The following RNF130 variants were observed in gnomAD, a reference collection of about 807,000 sequenced individuals.
RNF130 encodes E3 ubiquitin-protein ligase RNF130.
In RNF130, 21 loss-of-function variants were observed where a neutral mutation model predicts 44.6. That is an observed-to-expected ratio of 0.47 (90% CI 0.33 to 0.68). The LOEUF is 0.68. Ranked by LOEUF, RNF130 falls within the 30% of genes least tolerant of loss-of-function variation. The pLI is 0.02. For missense variants in RNF130, 479 were observed against 560.6 expected, an observed-to-expected ratio of 0.85 and a Z score of 1.47; for synonymous variants, 214 against 210.4, an observed-to-expected ratio of 1.02 and a Z score of -0.15.
At chr5:179,915,426 C>G (rs1163499063) in exon 8 of RNF130, 1 of 152,842 alleles carries the variant, frequency 6.5e-6, no homozygotes, top group Non-Finnish European at 1.5e-5. Flanking sequence ...TGCACCTCCA[C>G]CTGGGCACCA....
chr5:180,016,612 C>T (rs937655646), intron 2 of RNF130, among the ~76,000 whole-genome samples: 1 of 152,326 alleles, frequency 6.6e-6, no homozygotes, highest in African/African-American at 2.4e-5. Context: ...CTGCTTCCAA[C>T]TATTTTCTTG....
chr5:180,043,378 CTTTG>C (rs960864760), intron 1 of RNF130, among the ~76,000 whole-genome samples: 1 of 152,040 alleles, frequency 6.6e-6, no homozygotes, highest in Non-Finnish European at 1.5e-5. Flanking sequence ...CACTCTTTCC[CTTTG>C]TTTGTTTCAC....
intron 8 of RNF130, among the ~76,000 whole-genome samples, chr5:179,957,985 C>T (rs1273869620): frequency 6.6e-6 from 1 of 151,038 alleles, no homozygotes; most frequent in Non-Finnish European, 1.5e-5. Context: ...TCACGCCATT[C>T]TCCTGCCTCA....
chr5:180,060,861 C>T (rs562304282), intron 1 of RNF130, among the ~76,000 whole-genome samples: 9 of 151,852 alleles, frequency 5.9e-5, no homozygotes, highest in African/African-American at 1.7e-4. Context: ...CGAGGTCGGG[C>T]GATCGAGACC....
At chr5:179,934,161 C>A in intron 7 of RNF130, 3 of 186,118 alleles carry the variant, frequency 1.6e-5, no homozygotes, top group Non-Finnish European at 3.3e-5. Flanking sequence ...TGTGGATGCT[C>A]TTGAGAGCAG....
chr5:180,033,178 C>T (rs1764170911), intron 2 of RNF130, among the ~76,000 whole-genome samples: 1 of 151,892 alleles, frequency 6.6e-6, no homozygotes. Flanking sequence ...GACAGGGTCC[C>T]CCTATGTTGC....
At chr5:180,014,688 A>T (rs1470426514) in intron 2 of RNF130, among the ~76,000 whole-genome samples, 2 of 152,238 alleles carry the variant, frequency 1.3e-5, no homozygotes, top group Non-Finnish European at 2.9e-5. Context: ...CACGCAACTG[A>T]AAAGAAATTC....
At chr5:180,014,763 A>G (rs1046004117) in intron 2 of RNF130, among the ~76,000 whole-genome samples, 1 of 152,184 alleles carries the variant, frequency 6.6e-6, no homozygotes, top group Non-Finnish European at 1.5e-5. Flanking sequence ...GGGCAGGTGG[A>G]TTGCTTGAGC....
rs567754458 is a variant in RNF130, at chr5:179,968,111, C to A, written c.946-1101G>T. Among the ~76,000 whole-genome samples, 446 of 151,242 alleles carry A rather than the reference C, an allele frequency of 2.9e-3. 1 individual carries two copies. Among genetic ancestry groups the A allele is most frequent in the Admixed American group, 5.5e-3 (83 of 15,194 alleles). On this transcript the variant is annotated intron_variant, in intron 6 of 8. Coordinates refer to ENST00000521389, the MANE Select transcript of RNF130 (RefSeq NM_018434.6). Reference sequence around the variant, plus strand: ...GAGATCGAGACCATCCTGGCTAACACGGTGAAACCCCGTCTCTACTAACAA... The same window carrying A: ...GAGATCGAGACCATCCTGGCTAACAAGGTGAAACCCCGTCTCTACTAACAA...
intron 8 of RNF130, among the ~76,000 whole-genome samples, chr5:179,958,128 C>T (rs1447436465): frequency 2.0e-5 from 3 of 152,138 alleles, no homozygotes; most frequent in East Asian, 3.9e-4. Context: ...CCGCCCGCCT[C>T]GGTCTCCCAA....
chr5:179,931,418 T>C (rs537704907), intron 7 of RNF130, among the ~76,000 whole-genome samples: 29 of 152,284 alleles, frequency 1.9e-4, no homozygotes, highest in Middle Eastern at 3.4e-3. Flanking sequence ...AGCTTTTTTG[T>C]TTTTTGTTTT....
intron 7 of RNF130, among the ~76,000 whole-genome samples, chr5:179,925,343 G>T (rs1329425876): frequency 6.6e-6 from 1 of 152,156 alleles, no homozygotes; most frequent in East Asian, 1.9e-4. Flanking sequence ...AAAAGATTGG[G>T]ACTGGGATAC....
chr5:180,044,184 C>T (rs1033538705), intron 1 of RNF130, among the ~76,000 whole-genome samples: 1 of 152,024 alleles, frequency 6.6e-6, no homozygotes, highest in African/African-American at 2.4e-5. Flanking sequence ...TGTTAAAATT[C>T]AGAATAACGG....
chr5:179,996,101 G>A (rs1013309981), intron 3 of RNF130, among the ~76,000 whole-genome samples: 1 of 152,130 alleles, frequency 6.6e-6, no homozygotes, highest in Non-Finnish European at 1.5e-5. Flanking sequence ...ATGAACATGG[G>A]ATGTCTGTTT....
At position 179,930,215 on chromosome 5, in the gene RNF130, A is replaced by G. The variant is rs190680816; in HGVS notation, c.1151-9789T>C. Among the ~76,000 whole-genome samples the G allele has an allele frequency of 3.0e-3, 457 of 151,710 alleles. 10 individuals are homozygous for G. The East Asian group carries it at 0.064, about 21-fold the overall frequency. Reference sequence around the variant, plus strand: ...TGGGATTACAGGCATCTGCCACCACACCCGGCTAATTTTTGTATTTTTAGT... The same window carrying G: ...TGGGATTACAGGCATCTGCCACCACGCCCGGCTAATTTTTGTATTTTTAGT... On this transcript the variant is annotated intron_variant, in intron 7 of 7. Transcript: ENST00000522208.
intron 2 of RNF130, among the ~76,000 whole-genome samples, chr5:180,034,824 G>A (rs1472307871): frequency 6.6e-6 from 1 of 152,124 alleles, no homozygotes; most frequent in African/African-American, 2.4e-5. Flanking sequence ...GATGGTCATG[G>A]GGACCCCAGA....
intron 3 of RNF130, among the ~76,000 whole-genome samples, chr5:179,987,370 C>T (rs915223033): frequency 6.6e-6 from 1 of 152,172 alleles, no homozygotes; most frequent in Non-Finnish European, 1.5e-5. Context: ...GGTCTCCCCA[C>T]ATTGCCCAGG....
intron 7 of RNF130, among the ~76,000 whole-genome samples, chr5:179,935,721 G>A (rs970648426): frequency 6.6e-6 from 1 of 151,720 alleles, no homozygotes; most frequent in African/African-American, 2.4e-5. Flanking sequence ...CTCTATTAGT[G>A]TATTATATTA....
intron 5 of RNF130, among the ~76,000 whole-genome samples, chr5:179,973,295 G>C (rs1457508927): frequency 1.3e-5 from 2 of 152,120 alleles, no homozygotes; most frequent in African/African-American, 4.8e-5. Flanking sequence ...TCTCTTCTGT[G>C]ATCTCCACAG....
Sources: gnomAD v4.1 joint callset for allele counts (sites outside exome capture counted in the v4.1 genomes callset) on GRCh38, gnomAD v4.1.1 for gene constraint, MANE v1.5 for transcripts, NCBI Gene and HGNC (gene_info 2026-07-23, HGNC 2026-07-21) for gene names.